Variants in TNNC2 observed in about 807,000 individuals in gnomAD.
TNNC2 encodes troponin C, skeletal muscle.
Under a neutral mutation model 20.0 loss-of-function variants are expected in TNNC2, and 14 were observed. That is an observed-to-expected ratio of 0.70 (90% CI 0.46 to 1.09). TNNC2 has a LOEUF of 1.09. TNNC2 is among the 50% of genes least tolerant of loss of function. TNNC2 has a pLI of 0.00. For missense variants in TNNC2, 163 were observed against 223.8 expected (o/e 0.73, Z 1.73); for synonymous variants, 81 against 77.3 (o/e 1.05, Z -0.25).
chr20:45,832,864 A>T (rs1283497444), intron 2 of TNNC2, among the ~76,000 whole-genome samples: 1 of 152,184 alleles, frequency 6.6e-6, no homozygotes, highest in African/African-American at 2.4e-5. Context: ...GCAGCAGGGG[A>T]CCTGGGCTCC....
intron 2 of TNNC2, among the ~76,000 whole-genome samples, chr20:45,832,707 T>A (rs567907255): frequency 6.6e-6 from 1 of 152,374 alleles, no homozygotes; most frequent in South Asian, 2.1e-4. Flanking sequence ...ACTATCAAAA[T>A]CTGCCCTAAC....
chr20:45,827,348 G>C, upstream of TNNC2: 1 of 1,528,638 alleles, frequency 6.5e-7, no homozygotes, highest in Non-Finnish European at 9.0e-7. Flanking sequence ...ATTTGTAGGG[G>C]CACCCTCCCC....
Position 45,824,284 on chromosome 20 carries a change from C to CT in TNNC2, c.314+7_314+8insA, listed in dbSNP as rs1568720120. 6.2e-7 allele frequency: 1 copy of CT among 1,609,464 alleles called. No homozygotes were observed. Among genetic ancestry groups the CT allele is most frequent in the East Asian group, 2.2e-5 (1 of 44,872 alleles). ...GCCCCTCCCTCGGCTCCCGGGCCCC[C>CT]AGCGCACCTGTCGAAGATGCGGAAG... is the stretch of plus-strand genomic sequence containing the variant. On this transcript the variant is annotated splice_region_variant and intron_variant, in intron 4 of 5. Transcript: ENST00000372555.
chr20:45,831,239 T>A (rs1983099644), upstream of TNNC2, among the ~76,000 whole-genome samples: 1 of 151,998 alleles, frequency 6.6e-6, no homozygotes, highest in Admixed American at 6.6e-5. Context: ...TGAGCTATGA[T>A]CGCACCCCTG....
upstream of TNNC2, among the ~76,000 whole-genome samples, chr20:45,831,782 C>G (rs73124762): frequency 0.092 from 14,022 of 152,184 alleles, 839 homozygotes; most frequent in African/African-American, 0.16. Flanking sequence ...CTCAGACTAC[C>G]TATCTGTAAA....
upstream of TNNC2, among the ~76,000 whole-genome samples, chr20:45,829,877 G>A (rs1237498035): frequency 6.6e-6 from 1 of 151,398 alleles, no homozygotes; most frequent in Non-Finnish European, 1.5e-5. Flanking sequence ...AAAGTGCTAG[G>A]ATTACAGGCA....
intron 2 of TNNC2, chr20:45,833,148 GAGAAAGAAAGAA>G (rs142638193): frequency 6.8e-6 from 1 of 146,004 alleles, no homozygotes; most frequent in East Asian, 2.0e-4. Context: ...CATCTCAAAA[GAGAAAGAAAGAA>G]AGAAAGAGAG....
chr20:45,827,858 C>A (rs999579955), upstream of TNNC2, among the ~76,000 whole-genome samples: 1 of 152,130 alleles, frequency 6.6e-6, no homozygotes, highest in Non-Finnish European at 1.5e-5. Context: ...TGGTGCTTGG[C>A]AAGAGGAATG....
intron 1 of TNNC2, among the ~76,000 whole-genome samples, chr20:45,825,394 C>T (rs917890443): frequency 2.0e-5 from 3 of 152,146 alleles, no homozygotes; most frequent in African/African-American, 4.8e-5. Flanking sequence ...TGGGTTCAAG[C>T]GATTCTCCTC....
At chr20:45,830,267 C>T (rs1427962004), upstream of TNNC2, among the ~76,000 whole-genome samples, 5 of 140,544 alleles carry the variant, frequency 3.6e-5, no homozygotes, top group African/African-American at 8.1e-5. Flanking sequence ...ACCTGGCAGG[C>T]GAAGGTTGCA....
upstream of TNNC2, among the ~76,000 whole-genome samples, chr20:45,829,916 T>C (rs1490451894): frequency 6.6e-6 from 1 of 151,964 alleles, no homozygotes; most frequent in African/African-American, 2.4e-5. Flanking sequence ...CTTTGTTCTT[T>C]TGTTTATTCA....
intron 1 of TNNC2, among the ~76,000 whole-genome samples, chr20:45,825,750 A>T (rs1209448091): frequency 5.3e-5 from 8 of 152,066 alleles, no homozygotes; most frequent in Non-Finnish European, 5.9e-5. Context: ...CCTCCCGAGT[A>T]GCTGGGATTA....
upstream of TNNC2, among the ~76,000 whole-genome samples, chr20:45,831,433 C>T (rs1324606916): frequency 5.9e-5 from 9 of 152,076 alleles, no homozygotes; most frequent in South Asian, 8.3e-4. Context: ...AAAAATTAGC[C>T]GGGTGTGGTG....
intron 3 of TNNC2, 43 bp downstream of exon 3, chr20:45,824,452 G>T (rs1299095149): frequency 1.2e-6 from 2 of 1,611,772 alleles, no homozygotes; most frequent in South Asian, 1.1e-5. Flanking sequence ...AGCCGCTGCC[G>T]CCTCTCCCCA....
At chr20:45,829,138 G>A (rs1006598874), upstream of TNNC2, among the ~76,000 whole-genome samples, 2 of 148,196 alleles carry the variant, frequency 1.3e-5, no homozygotes, top group African/African-American at 2.5e-5. Flanking sequence ...ATACCACTAC[G>A]CCCAGCTAAT....
At chr20:45,824,909 C>G in intron 1 of TNNC2, 75 bp from the exon 2 acceptor site, 1 of 1,531,536 alleles carries the variant, frequency 6.5e-7, no homozygotes, top group Non-Finnish European at 9.0e-7. Flanking sequence ...GCCATTCTTC[C>G]CAACCCCCAC....
upstream of TNNC2, among the ~76,000 whole-genome samples, chr20:45,831,378 A>C (rs926261641): frequency 2.6e-5 from 4 of 152,184 alleles, no homozygotes; most frequent in African/African-American, 9.7e-5. Flanking sequence ...GCAGTTCGAG[A>C]CCAGCCTGGC....
chr20:45,831,452 CTGTAATTCCAGCTACTTGGGATTACT>C (rs1020285195), upstream of TNNC2, among the ~76,000 whole-genome samples: 14 of 152,066 alleles, frequency 9.2e-5, no homozygotes, highest in South Asian at 2.1e-4. Flanking sequence ...TGGCACATGC[CTGTAATTCCAGCTACTTGGGATTACT>C]TGTAATTCCA....
Position 45,823,908 on chromosome 20 carries a change from GAC to G in TNNC2, c.451+81_451+82del. On this transcript the variant is annotated intron_variant, in intron 5 of 5. Transcript: ENST00000372555. The surrounding 1 kb of genome is among the most constrained non-coding windows in gnomAD (Gnocchi z 4.6). ...GCCCAGCCCAGCCCACAAGGCCAAG[GAC>G]ACTGCACCGGAGCCAGGCACCAGTG... is the stretch of plus-strand genomic sequence containing the variant. 3 of 1,594,906 alleles carry G rather than the reference GAC, an allele frequency of 1.9e-6. No homozygotes were observed. The highest frequency in any genetic ancestry group is 2.6e-6 in the Non-Finnish European group (3 of 1,169,948).
Sources: allele counts gnomAD v4.1 joint callset (sites outside exome capture counted in the v4.1 genomes callset), GRCh38; gene constraint gnomAD v4.1.1; non-coding constraint Gnocchi (gnomAD v3.1); transcripts MANE v1.5; gene names NCBI Gene and HGNC (gene_info 2026-07-23, HGNC 2026-07-21).